Variants in MAGI3 observed in about 807,000 individuals in gnomAD.
MAGI3 encodes membrane-associated guanylate kinase, WW and PDZ domain-containing protein 3.
A neutral mutation model predicts 121.8 loss-of-function variants in MAGI3; 43 were observed. The observed-to-expected ratio is 0.35, with a 90% CI of 0.28 to 0.46. MAGI3 has a LOEUF of 0.46. Ranked by LOEUF, MAGI3 falls within the 20% of genes least tolerant of loss-of-function variation. The pLI, the probability that MAGI3 is intolerant of heterozygous loss-of-function variation, is 1.00. For synonymous variants in MAGI3, 553 were observed against 639.3 expected (o/e 0.86, Z 2.04); for missense variants, 1,547 against 1,797.3 (o/e 0.86, Z 2.52).
At chr1:113,563,585 C>T (rs1161710816) in intron 2 of MAGI3, among the ~76,000 whole-genome samples, 1 of 152,164 alleles carries the variant, frequency 6.6e-6, no homozygotes, top group Non-Finnish European at 1.5e-5. Context: ...CAGCAACACC[C>T]TGATAGGTGA....
chr1:113,393,114 T>C (rs1379725334), intron 1 of MAGI3, among the ~76,000 whole-genome samples: 2 of 152,236 alleles, frequency 1.3e-5, no homozygotes, highest in African/African-American at 2.4e-5. Context: ...AACATTAGTC[T>C]AATCTACCTG....
At chr1:113,583,957 A>G (rs1648206144) in intron 3 of MAGI3, among the ~76,000 whole-genome samples, 1 of 152,162 alleles carries the variant, frequency 6.6e-6, no homozygotes, top group South Asian at 2.1e-4. Context: ...CTTCCAAAGA[A>G]TTCATGTTAA....
At chr1:113,405,530 C>T (rs1026981233) in intron 1 of MAGI3, among the ~76,000 whole-genome samples, 15 of 140,578 alleles carry the variant, frequency 1.1e-4, no homozygotes, top group Non-Finnish European at 1.5e-4. Flanking sequence ...AGGAATGCCA[C>T]TTATAAATAC....
chr1:113,533,992 A>C lies in MAGI3; in HGVS notation c.317-15523A>C, dbSNP rs138322439. On this transcript the variant is annotated intron_variant, in intron 1 of 20. Transcript: ENST00000307546. ...TTTAGTTCATTCTCTTTTCTCCTGC[A>C]GGGACACCTATAATTTGAAGTTTGA... is the stretch of plus-strand genomic sequence containing the variant. Among the ~76,000 whole-genome samples, 10 of 152,076 alleles carry C rather than the reference A, an allele frequency of 6.6e-5. No individual in the cohort carries two copies. The East Asian group carries it at 1.9e-3, about 29-fold the overall frequency.
At chr1:113,489,373 G>A (rs1570750759) in intron 1 of MAGI3, among the ~76,000 whole-genome samples, 1 of 151,952 alleles carries the variant, frequency 6.6e-6, no homozygotes, top group South Asian at 2.1e-4. Flanking sequence ...TAGAATAAAA[G>A]GAAAAAACAA....
At chr1:113,508,540 T>A (rs189073526) in intron 1 of MAGI3, among the ~76,000 whole-genome samples, 1 of 152,322 alleles carries the variant, frequency 6.6e-6, no homozygotes. Context: ...CAGTTCCTAG[T>A]AAGCCAAGCT....
At position 113,646,562 on chromosome 1, in the gene MAGI3, C is replaced by T. The variant is rs371336059; in HGVS notation, c.2075C>T (p.Pro692Leu). 1.9e-5 allele frequency: 30 copies of T among 1,613,230 alleles called. No homozygotes were observed. In the East Asian group the frequency reaches 2.7e-4, roughly 14 times the overall value. Reference protein sequence around the residue: ...EPIPQPMPFPPSIIRSGSPKL... With the variant: ...EPIPQPMPFPLSIIRSGSPKL... ...ATTCCTCAGCCTATGCCTTTTCCAC[C>T]GAGCATTATCAGGTCAGGATCCCCA... The change falls in exon 12 of 21, where the codon CCG becomes CTG. Residue 692 changes from proline (P) to leucine (L), a missense_variant. Coordinates refer to ENST00000307546, the MANE Select transcript of MAGI3 (RefSeq NM_001142782.2).
intron 14 of MAGI3, 72 bp from the exon 15 acceptor site, chr1:113,653,758 A>G: frequency 7.7e-7 from 1 of 1,303,326 alleles, no homozygotes. Context: ...TGAGAGGCTT[A>G]GCATAAAAAC....
chr1:113,484,139 T>C (rs1192369911), intron 1 of MAGI3, among the ~76,000 whole-genome samples: 4 of 152,032 alleles, frequency 2.6e-5, no homozygotes, highest in African/African-American at 9.7e-5. Context: ...AAATCTGGAG[T>C]TTTAAAGATG....
At chr1:113,641,614 G>A (rs1291803499) in intron 9 of MAGI3, among the ~76,000 whole-genome samples, 1 of 151,172 alleles carries the variant, frequency 6.6e-6, no homozygotes, top group African/African-American at 2.4e-5. Flanking sequence ...TGACTCAGAG[G>A]GTATACTAAC....
At chr1:113,681,051 C>T in intron 19 of MAGI3, 147 bp from the exon 20 acceptor site, 1 of 786,308 alleles carries the variant, frequency 1.3e-6, no homozygotes, top group Non-Finnish European at 1.9e-6. Context: ...CTCTCATCAA[C>T]TCTCACATGG....
At position 113,651,201 on chromosome 1, in the gene MAGI3, A is replaced by T. The variant is rs367730325; in HGVS notation, c.2435A>T (p.Tyr812Phe). 3 of 1,607,238 alleles carry T rather than the reference A, an allele frequency of 1.9e-6. No individual in the cohort carries two copies. Among genetic ancestry groups the T allele is most frequent in the Admixed American group, 3.4e-5 (2 of 58,074 alleles). The change falls in exon 14 of 21, where the codon TAT becomes TTT. Residue 812 changes from tyrosine to phenylalanine, a missense_variant. Coordinates refer to ENST00000307546, the MANE Select transcript of MAGI3 (RefSeq NM_001142782.2). ...CTAACTGTCAGACGGAAGATCTTCT[A>T]TGGAGGTGTGTGAACTTGTTCCTGC... ...VLLTVRRKIF[Y>F]GEKQPEDDSS...
intron 11 of MAGI3, 58 bp from the exon 12 acceptor site, chr1:113,646,428 G>A: frequency 7.1e-7 from 1 of 1,400,458 alleles, no homozygotes; most frequent in African/African-American, 1.4e-5. Context: ...TCAGTTTTAT[G>A]AATTAATCAA....
intron 1 of MAGI3, among the ~76,000 whole-genome samples, chr1:113,543,544 T>G (rs539643417): frequency 7.2e-5 from 11 of 152,254 alleles, no homozygotes; most frequent in Admixed American, 1.3e-4. Flanking sequence ...TATTCAAGGA[T>G]GGAGAGGGTC....
At chr1:113,477,509 A>G (rs1655889946) in intron 1 of MAGI3, among the ~76,000 whole-genome samples, 2 of 152,150 alleles carry the variant, frequency 1.3e-5, no homozygotes, top group South Asian at 2.1e-4. Context: ...TGGATATGAA[A>G]TTCTGGGTTG....
intron 19 of MAGI3, among the ~76,000 whole-genome samples, chr1:113,674,733 A>T (rs17274620): frequency 0.22 from 33,033 of 152,156 alleles, 4,493 homozygotes; most frequent in South Asian, 0.39. Flanking sequence ...ATAAACACAT[A>T]TTGAGTGTTT....
intron 1 of MAGI3, among the ~76,000 whole-genome samples, chr1:113,455,292 T>C (rs1007285674): frequency 7.1e-4 from 108 of 152,276 alleles, no homozygotes; most frequent in Non-Finnish European, 1.1e-3. Context: ...GAGACTGCTA[T>C]GCAGAGTTGT....
intron 6 of MAGI3, among the ~76,000 whole-genome samples, chr1:113,605,623 G>A (rs1006991864): frequency 8.6e-5 from 13 of 151,892 alleles, no homozygotes; most frequent in South Asian, 4.2e-4. Flanking sequence ...TCCCCGAGAC[G>A]GAGTCATGCT....
At chr1:113,519,903 A>G (rs548365604) in intron 1 of MAGI3, among the ~76,000 whole-genome samples, 2 of 152,382 alleles carry the variant, frequency 1.3e-5, no homozygotes, top group East Asian at 3.9e-4. Context: ...CCCAAAATCC[A>G]GAATCCCAGG....
Sources: allele counts gnomAD v4.1 joint callset (sites outside exome capture counted in the v4.1 genomes callset), GRCh38; gene constraint gnomAD v4.1.1; transcripts MANE v1.5; gene names NCBI Gene and HGNC (gene_info 2026-07-23, HGNC 2026-07-21).